Variants in CRPPA observed in about 807,000 individuals in gnomAD.
CRPPA encodes D-ribitol-5-phosphate cytidylyltransferase.
In CRPPA, 43 loss-of-function variants were observed where a neutral mutation model predicts 52.0. The observed-to-expected ratio is 0.83, with a 90% confidence interval of 0.65 to 1.07. The LOEUF (loss-of-function observed/expected upper bound fraction) is 1.07, where lower values mean the gene tolerates loss of function less well. CRPPA is among the 50% of genes least tolerant of loss of function. The pLI is 0.00. For missense variants in CRPPA, 629 were observed against 551.7 expected, an observed-to-expected ratio of 1.14 and a Z score of -1.40; for synonymous variants, 250 against 203.5, an observed-to-expected ratio of 1.23 and a Z score of -1.94.
At chr7:16,241,315 G>A (rs1783100331) in intron 8 of CRPPA, among the ~76,000 whole-genome samples, 1 of 151,978 alleles carries the variant, frequency 6.6e-6, no homozygotes, top group South Asian at 2.1e-4. Flanking sequence ...CAATACTTTT[G>A]AAGGTTATGT....
chr7:16,416,642 C>G (rs1487766649), intron 1 of CRPPA, among the ~76,000 whole-genome samples: 1 of 151,814 alleles, frequency 6.6e-6, no homozygotes, highest in African/African-American at 2.4e-5. Flanking sequence ...CAAGACCAGC[C>G]TGCCCAACAT....
chr7:16,373,290 C>T (rs1786798034), intron 3 of CRPPA, among the ~76,000 whole-genome samples: 1 of 151,880 alleles, frequency 6.6e-6, no homozygotes, highest in Non-Finnish European at 1.5e-5. Context: ...GAGCGAAACT[C>T]CATCTCAGAA....
At chr7:16,187,164 A>C (rs1467911479) in intron 9 of CRPPA, among the ~76,000 whole-genome samples, 1 of 152,158 alleles carries the variant, frequency 6.6e-6, no homozygotes, top group Non-Finnish European at 1.5e-5. Flanking sequence ...TTCTTTCCTC[A>C]AGTATTACCC....
At chr7:16,404,613 A>G (rs1282052805) in intron 2 of CRPPA, among the ~76,000 whole-genome samples, 3 of 151,604 alleles carry the variant, frequency 2.0e-5, no homozygotes, top group Non-Finnish European at 2.9e-5. Flanking sequence ...AAAAGGTAAC[A>G]CAGGCAAAAA....
chr7:16,316,235 G>A (rs780103259), intron 3 of CRPPA, among the ~76,000 whole-genome samples: 22 of 151,964 alleles, frequency 1.4e-4, no homozygotes, highest in Non-Finnish European at 2.8e-4. Context: ...AGGTAGGAGG[G>A]GTTAAGAATG....
chr7:16,344,727 T>C (rs1410821533), intron 3 of CRPPA, among the ~76,000 whole-genome samples: 1 of 151,660 alleles, frequency 6.6e-6, no homozygotes, highest in East Asian at 1.9e-4. Context: ...AAATGACTAG[T>C]CCACTAGATG....
intron 3 of CRPPA, among the ~76,000 whole-genome samples, chr7:16,312,746 A>G (rs747120342): frequency 4.6e-5 from 7 of 152,006 alleles, no homozygotes; most frequent in Non-Finnish European, 1.0e-4. Context: ...TTTTAAATCA[A>G]GAAAGATCTC....
At chr7:16,336,911 A>G (rs1785697554) in intron 3 of CRPPA, among the ~76,000 whole-genome samples, 1 of 152,160 alleles carries the variant, frequency 6.6e-6, no homozygotes, top group African/African-American at 2.4e-5. Flanking sequence ...ATATTAATAA[A>G]GAGGTTAAAA....
intron 3 of CRPPA, among the ~76,000 whole-genome samples, chr7:16,372,990 G>A (rs1786786336): frequency 6.6e-6 from 1 of 152,130 alleles, no homozygotes; most frequent in Non-Finnish European, 1.5e-5. Flanking sequence ...GTTTGCTACA[G>A]ACCTCAATAG....
rs148758950 is a variant in CRPPA, at chr7:16,243,257, T to C, written c.1119+15133A>G. 3.8e-3 allele frequency among the ~76,000 whole-genome samples: 577 copies of C among 152,256 alleles called. 3 individuals are homozygous for C. The highest frequency in any genetic ancestry group is 0.025 in the East Asian group (130 of 5,174). On this transcript the variant is annotated intron_variant, in intron 8 of 9. Transcript: ENST00000407010. ...AAGGTGCCTGCTTCTCCTTCCACCATGATTGTAAGTTTCCTGAAGCCTCCC... is the reference window on the plus strand; with the variant it reads ...AAGGTGCCTGCTTCTCCTTCCACCACGATTGTAAGTTTCCTGAAGCCTCCC...
rs1342484075 is a variant in CRPPA, at chr7:16,088,353, A to G, written c.*3342T>C. ...AAAGTGAGAATAGACAGCTTTTACT[A>G]AAGTAAATTTACAGAAGCAGTGATG... On this transcript the variant is annotated 3_prime_UTR_variant, in exon 10 of 10. Transcript: ENST00000407010. The G allele has an allele frequency of 2.0e-5, 3 of 152,074 alleles. No homozygotes were observed. Among genetic ancestry groups the G allele is most frequent in the Non-Finnish European group, 4.4e-5 (3 of 68,026 alleles). The allele number at this position is 152,074 out of a possible 1,614,324, so 9.4% of individuals were successfully genotyped here. A position where few individuals can be genotyped will look rare whatever the true frequency, so the allele number is the denominator to read the frequency against.
At chr7:16,308,026 C>T (rs1343391225) in intron 4 of CRPPA, among the ~76,000 whole-genome samples, 1 of 151,788 alleles carries the variant, frequency 6.6e-6, no homozygotes, top group Non-Finnish European at 1.5e-5. Flanking sequence ...TGGGAGGTGA[C>T]TGGATCGTGG....
chr7:16,216,076 G>A lies in CRPPA; in HGVS notation c.1241C>T (p.Ser414Phe). Reference sequence around the variant, plus strand: ...AAACATTTTACCTACCTGTGGGTAAGATATGAGAAGCCCATATAACAAAAT... The same window carrying A: ...AAACATTTTACCTACCTGTGGGTAAAATATGAGAAGCCCATATAACAAAAT... ...RNILLYGLLI[S>F]YPQDDQKLQE... Residue 414 changes from serine (S) to phenylalanine (F), a missense_variant, in exon 9 of 10, where the codon TCT becomes TTT. Ser to Phe is a radical substitution (Grantham distance 155). Coordinates refer to ENST00000407010, the MANE Select transcript of CRPPA (RefSeq NM_001101426.4). The A allele has an allele frequency of 3.1e-6, 5 of 1,590,340 alleles. No individual in the cohort carries two copies. The Middle Eastern group carries it at 5.2e-4, about 165-fold the overall frequency.
At chr7:16,303,014 A>G (rs781336623) in intron 4 of CRPPA, among the ~76,000 whole-genome samples, 11 of 152,238 alleles carry the variant, frequency 7.2e-5, no homozygotes, top group Non-Finnish European at 1.2e-4. Context: ...TAACCCATCA[A>G]TTGAGAATTA....
In CRPPA at chr7:16,365,106, G is replaced by A. The variant is rs919112277; in HGVS notation, c.684+10986C>T. On this transcript the variant is annotated intron_variant, in intron 3 of 9. Coordinates refer to ENST00000407010, the MANE Select transcript of CRPPA (RefSeq NM_001101426.4). ...TGTGGGCCCTCATGGTCCTTTAACT[G>A]AGGACAGCAGCCAGAGTCTCTGATT... is the stretch of plus-strand genomic sequence containing the variant. 3.3e-5 allele frequency among the ~76,000 whole-genome samples: 5 copies of A among 152,116 alleles called. No individual in the cohort carries two copies. In the South Asian group the frequency reaches 6.2e-4, roughly 19 times the overall value.
At chr7:16,312,017 C>T (rs1351448313) in intron 3 of CRPPA, among the ~76,000 whole-genome samples, 1 of 152,070 alleles carries the variant, frequency 6.6e-6, no homozygotes. Flanking sequence ...AGCCACAATT[C>T]CTGCAACTTT....
At chr7:16,398,029 C>A (rs558354709) in intron 2 of CRPPA, among the ~76,000 whole-genome samples, 5 of 152,238 alleles carry the variant, frequency 3.3e-5, no homozygotes, top group Non-Finnish European at 7.3e-5. Flanking sequence ...ATGATCAACA[C>A]GTAATCAACA....
intron 9 of CRPPA, among the ~76,000 whole-genome samples, chr7:16,142,097 A>C (rs1042041855): frequency 3.9e-5 from 6 of 152,200 alleles, no homozygotes; most frequent in African/African-American, 1.2e-4. Context: ...AAGTTCTGTT[A>C]CCTAAGAGAC....
At chr7:16,151,612 T>C (rs953382863) in intron 9 of CRPPA, among the ~76,000 whole-genome samples, 3 of 152,074 alleles carry the variant, frequency 2.0e-5, no homozygotes, top group African/African-American at 7.2e-5. Flanking sequence ...AAAAATAAAA[T>C]TGATTATCTT....
Sources: allele counts gnomAD v4.1 joint callset (sites outside exome capture counted in the v4.1 genomes callset), GRCh38; gene constraint gnomAD v4.1.1; transcripts MANE v1.5; gene names NCBI Gene and HGNC (gene_info 2026-07-23, HGNC 2026-07-21).